Variants in ARAP1 observed in about 807,000 individuals in gnomAD.
ARAP1 encodes the protein arf-GAP with Rho-GAP domain, ANK repeat and PH domain-containing protein 1.
Under a neutral mutation model 172.2 loss-of-function variants are expected in ARAP1, and 76 were observed. The observed-to-expected ratio is 0.44, with a 90% CI of 0.37 to 0.53. ARAP1 has a LOEUF of 0.53. ARAP1 is among the 20% of genes least tolerant of loss of function. The probability of loss-of-function intolerance (pLI) is 0.00; values close to 1 mark genes in which losing one functional copy is unlikely to be tolerated. For synonymous variants in ARAP1, 804 were observed against 803.3 expected (o/e 1.00, Z -0.01); for missense variants, 1,686 against 1,977.5 (o/e 0.85, Z 2.80).
At chr11:72,686,216 G>A in intron 33 of ARAP1, 25 bp from the exon 34 acceptor site, 3 of 1,601,522 alleles carry the variant, frequency 1.9e-6, no homozygotes, top group East Asian at 4.5e-5. Flanking sequence ...GGAAGGGGCT[G>A]GGCTCAGCTT....
rs764570796 is a variant in ARAP1, at chr11:72,699,495, T to C, written c.2360A>G (p.Glu787Gly). The C allele has an allele frequency of 1.2e-6, 2 of 1,613,936 alleles. No individual in the cohort carries two copies. Among genetic ancestry groups the C allele is most frequent in the South Asian group, 1.1e-5 (1 of 91,040 alleles). Residue 787 changes from glutamate (E) to glycine (G), a missense_variant, in exon 17 of 35, where the codon GAG becomes GGG. Glu to Gly is a moderately conservative substitution (Grantham distance 98). This residue lies in a region of ARAP1 where 688 missense variants were observed against 856.9 expected (regional missense o/e 0.80). Coordinates refer to ENST00000393609, the MANE Select transcript of ARAP1 (RefSeq NM_001040118.3). The surrounding 1 kb of genome is among the most constrained non-coding windows in gnomAD (Gnocchi z 4.2). ...CTCTCCATTGGGGGTCACTGCCCGC[T>C]CATTCTCAAAGTAGCTCAGGACCCC... ...GDGVLSYFEN[E>G]RAVTPNGEIR...
At position 72,729,755 on chromosome 11, in the gene ARAP1, T is replaced by TAA. The variant is rs140222881; in HGVS notation, c.-44-2585_-44-2584dup. Among the ~76,000 whole-genome samples, 8 of 147,394 alleles carry TAA rather than the reference T, an allele frequency of 5.4e-5. No homozygotes were observed. In the East Asian group the frequency reaches 6.0e-4, roughly 11 times the overall value. On this transcript the variant is annotated intron_variant, in intron 2 of 34. Coordinates refer to ENST00000393609, the MANE Select transcript of ARAP1 (RefSeq NM_001040118.3). Reference sequence around the variant, plus strand: ...CAACACAGCAAGACTCTGTCTCTACTAAAAAAAAAACCTAAAAATTAGGCA... The same window carrying TAA: ...CAACACAGCAAGACTCTGTCTCTACTAAAAAAAAAAAACCTAAAAATTAGGCA...
At chr11:72,687,985 G>A (rs1465185587) in intron 31 of ARAP1, among the ~76,000 whole-genome samples, 1 of 136,110 alleles carries the variant, frequency 7.3e-6, no homozygotes, top group Non-Finnish European at 1.6e-5. Context: ...TGACACCTGA[G>A]AATTTGTGTT....
At chr11:72,750,479 T>G (rs1189316621) in intron 1 of ARAP1, among the ~76,000 whole-genome samples, 3 of 148,964 alleles carry the variant, frequency 2.0e-5, no homozygotes, top group Non-Finnish European at 4.5e-5. Flanking sequence ...CCCCCGATAC[T>G]CTCAGACACC....
chr11:72,718,026 G>A lies in ARAP1; in HGVS notation c.510-3705C>T, dbSNP rs1255964770. The stretch of plus-strand genomic sequence containing the variant: ...AGGGAGAGGGAAACAGATGCAAAGG[G>A]CTCCTCTCCCAGCAGAGCTTCCACA... On this transcript the variant is annotated intron_variant, in intron 3 of 34. Transcript: ENST00000393609. Among the ~76,000 whole-genome samples, 4 of 152,254 alleles carry A rather than the reference G, an allele frequency of 2.6e-5. No individual in the cohort carries two copies. In the East Asian group the frequency reaches 5.8e-4, roughly 22 times the overall value.
chr11:72,712,036 A>G (rs1857036762), intron 7 of ARAP1, among the ~76,000 whole-genome samples, 160 bp downstream of exon 7: 1 of 152,106 alleles, frequency 6.6e-6, no homozygotes, highest in African/African-American at 2.4e-5. Context: ...TCTGGAGGGA[A>G]TCATCAGTGG....
In ARAP1 at chr11:72,697,040, C is replaced by G; in HGVS notation, c.3109G>C (p.Asp1037His). The change falls in exon 22 of 35, where the codon GAC becomes CAC. Residue 1037 changes from aspartate to histidine, a missense_variant. Asp to His is a moderately conservative substitution (Grantham distance 81, BLOSUM62 -1). Transcript: ENST00000393609. ...CGAGTGAAGAGCCCATCAGGCAGGT[C>G]GCGCAGGAAGCGCTTGAGCGCCGAG... ...VSSALKRFLR[D>H]LPDGLFTRAQ... 2 of 1,610,002 alleles carry G rather than the reference C, an allele frequency of 1.2e-6. No homozygotes were observed. The highest frequency in any genetic ancestry group is 1.7e-6 in the Non-Finnish European group (2 of 1,179,938).
chr11:72,695,193 A>G lies in ARAP1; in HGVS notation c.3577-96T>C. ...CTCAGAGCCTGAGCCCATCCTTCTCAGGCCCTTCTGGAGTCCTGGGATAGA... is the reference window on the plus strand; with the variant it reads ...CTCAGAGCCTGAGCCCATCCTTCTCGGGCCCTTCTGGAGTCCTGGGATAGA... On this transcript the variant is annotated intron_variant, in intron 26 of 34. Transcript: ENST00000393609. This position sits in a 1 kb window ranked among gnomAD's most constrained non-coding sequence, Gnocchi z 4.4. 2 of 1,434,950 alleles carry G rather than the reference A, an allele frequency of 1.4e-6. No individual in the cohort carries two copies. The highest frequency in any genetic ancestry group is 1.7e-5 in the Admixed American group (1 of 57,940). The allele number at this position is 1,434,950 out of a possible 1,614,324, so 88.9% of individuals were successfully genotyped here. A position where few individuals can be genotyped will look rare whatever the true frequency, so the allele number is the denominator to read the frequency against.
At chr11:72,729,755 T>TA (rs140222881) in intron 2 of ARAP1, among the ~76,000 whole-genome samples, 21,272 of 147,250 alleles carry the variant, frequency 0.14, 1,766 homozygotes, top group African/African-American at 0.22. Context: ...CTGTCTCTAC[T>TA]AAAAAAAAAA....
chr11:72,701,406 G>T (rs1477762732), intron 16 of ARAP1, among the ~76,000 whole-genome samples: 3 of 152,142 alleles, frequency 2.0e-5, no homozygotes, highest in Non-Finnish European at 4.4e-5. Context: ...TCCAGTAGGG[G>T]CTCAATAAAG....
chr11:72,705,478 G>C (rs774236304), intron 13 of ARAP1: 6 of 277,838 alleles, frequency 2.2e-5, no homozygotes, highest in Non-Finnish European at 3.4e-5. Flanking sequence ...TAGATCAGAA[G>C]TTAGCAAATT....
intron 1 of ARAP1, among the ~76,000 whole-genome samples, chr11:72,740,791 A>G (rs1015376029): frequency 5.3e-5 from 8 of 152,142 alleles, no homozygotes; most frequent in African/African-American, 1.7e-4. Flanking sequence ...AAATGGACTG[A>G]GGCTCATTAA....
chr11:72,740,865 C>A (rs1333283252), intron 1 of ARAP1, among the ~76,000 whole-genome samples: 1 of 152,114 alleles, frequency 6.6e-6, no homozygotes, highest in Non-Finnish European at 1.5e-5. Context: ...CCACCCTGGC[C>A]CTGACTCTCA....
chr11:72,707,213 G>C lies in ARAP1; in HGVS notation c.1685C>G (p.Ser562Cys). Residue 562 changes from serine (S) to cysteine (C), a missense_variant, in exon 12 of 35, where the codon TCC (serine) becomes TGC (cysteine). By Grantham distance (112) the Ser-to-Cys change is moderately radical (BLOSUM62 -1). Coordinates refer to ENST00000393609, the MANE Select transcript of ARAP1 (RefSeq NM_001040118.3). ...GCAGATAACAACACAGAGGTTGATGGAGGCCCAGTCAGGCTGAGGAGCCCC... is the reference window on the plus strand; with the variant it reads ...GCAGATAACAACACAGAGGTTGATGCAGGCCCAGTCAGGCTGAGGAGCCCC... ...DCGAPQPDWA[S>C]INLCVVICKR... 1 of 1,603,646 alleles carries C rather than the reference G, an allele frequency of 6.2e-7. No homozygotes were observed. The highest frequency in any genetic ancestry group is 8.5e-7 in the Non-Finnish European group (1 of 1,175,012).
chr11:72,693,876 A>T lies in ARAP1; in HGVS notation c.3695-71T>A, dbSNP rs1052201137. 1 of 1,259,268 alleles carries T rather than the reference A, an allele frequency of 7.9e-7. No homozygotes were observed. The highest frequency in any genetic ancestry group is 1.5e-5 in the African/African-American group (1 of 67,348). The allele number at this position is 1,259,268 out of a possible 1,614,324, so 78.0% of individuals were successfully genotyped here. ...TACCACCAAAGGCTGGCAGATGGGC[A>T]CATATCACCTACACATCCCCTGTCC... is the stretch of plus-strand genomic sequence containing the variant. On this transcript the variant is annotated intron_variant, in intron 27 of 34. Coordinates refer to ENST00000393609, the MANE Select transcript of ARAP1 (RefSeq NM_001040118.3). This position sits in a 1 kb window ranked among gnomAD's most constrained non-coding sequence, Gnocchi z 4.6.
chr11:72,706,121 C>G (rs889338904), intron 12 of ARAP1, among the ~76,000 whole-genome samples: 2 of 152,196 alleles, frequency 1.3e-5, no homozygotes, highest in Admixed American at 6.5e-5. Context: ...GCAACTGGCC[C>G]CCTGGAACCA....
intron 1 of ARAP1, among the ~76,000 whole-genome samples, chr11:72,747,079 T>G (rs965891447): frequency 6.6e-6 from 1 of 152,138 alleles, no homozygotes; most frequent in Non-Finnish European, 1.5e-5. Flanking sequence ...ACCCCAGCAC[T>G]GGCCTGGCCA....
At chr11:72,703,172 G>A (rs1031172973) in intron 14 of ARAP1, 93 bp from the exon 15 acceptor site, 34 of 1,256,176 alleles carry the variant, frequency 2.7e-5, no homozygotes, top group Admixed American at 8.7e-5. Flanking sequence ...AAAGGAAGGA[G>A]TCACCCAGGC....
chr11:72,713,264 G>GA, intron 4 of ARAP1, 21 bp from the exon 5 acceptor site: 1 of 1,612,766 alleles, frequency 6.2e-7, no homozygotes, highest in Non-Finnish European at 8.5e-7. Flanking sequence ...AGGGGTTGGG[G>GA]GGCCTCAGGG....
Sources: gnomAD v4.1 joint callset for allele counts (sites outside exome capture counted in the v4.1 genomes callset) on GRCh38, gnomAD v4.1.1 for gene constraint, gnomAD v4.1.1 regional missense constraint, Gnocchi (gnomAD v3.1) non-coding constraint, MANE v1.5 for transcripts, NCBI Gene and HGNC (gene_info 2026-07-23, HGNC 2026-07-21) for gene names.